The following PREX2 variants were observed in gnomAD, a reference collection of about 807,000 sequenced individuals.
PREX2 encodes phosphatidylinositol 3,4,5-trisphosphate-dependent Rac exchanger 2 protein.
PREX2 carries 107 observed loss-of-function variants against 203.2 expected under a neutral mutation model. That is an observed-to-expected ratio of 0.53 (90% CI 0.45 to 0.62). PREX2 has a LOEUF of 0.62. Ranked by LOEUF, PREX2 falls within the 20% of genes least tolerant of loss-of-function variation. The pLI is 0.00. For missense variants in PREX2, 1,777 were observed against 1,955.9 expected (o/e 0.91, Z 1.72); for synonymous variants, 672 against 663.6 (o/e 1.01, Z -0.19).
intron 1 of PREX2, among the ~76,000 whole-genome samples, chr8:68,015,003 T>C (rs187925537): frequency 7.2e-5 from 11 of 152,288 alleles, no homozygotes; most frequent in Admixed American, 6.5e-4. Context: ...ATTTCAAATA[T>C]ATGTGTGTCA....
chr8:68,214,909 T>C (rs936381064), intron 37 of PREX2, among the ~76,000 whole-genome samples: 1 of 152,192 alleles, frequency 6.6e-6, no homozygotes, highest in Admixed American at 6.5e-5. Context: ...AATTTCAAAT[T>C]AATTTTGATT....
At chr8:68,060,583 G>T (rs1032318066) in intron 10 of PREX2, 96 bp from the exon 11 acceptor site, 12 of 753,606 alleles carry the variant, frequency 1.6e-5, no homozygotes, top group African/African-American at 1.4e-4. Flanking sequence ...TATATTTTGA[G>T]ATTCCTTTCA....
intron 1 of PREX2, among the ~76,000 whole-genome samples, chr8:68,012,590 G>A (rs186954866): frequency 3.9e-5 from 6 of 152,282 alleles, no homozygotes; most frequent in African/African-American, 1.2e-4. Context: ...ATGATTTGTA[G>A]AGTGATCAAT....
chr8:68,127,284 A>G, intron 30 of PREX2, 94 bp from the exon 31 acceptor site: 2 of 988,288 alleles, frequency 2.0e-6, no homozygotes, highest in South Asian at 1.6e-5. Flanking sequence ...AACCTAGTCC[A>G]ATAAGATCAT....
At chr8:68,093,222 C>A (rs1266893592) in intron 20 of PREX2, among the ~76,000 whole-genome samples, 1 of 151,826 alleles carries the variant, frequency 6.6e-6, no homozygotes, top group Non-Finnish European at 1.5e-5. Flanking sequence ...GAAACCCTGT[C>A]TTTACTAAAA....
At chr8:68,165,251 T>C (rs1225711846) in intron 35 of PREX2, among the ~76,000 whole-genome samples, 1 of 152,112 alleles carries the variant, frequency 6.6e-6, no homozygotes, top group Non-Finnish European at 1.5e-5. Flanking sequence ...GATCTACATG[T>C]TTATAATCTC....
chr8:67,990,394 T>TA (rs111707841), intron 1 of PREX2, among the ~76,000 whole-genome samples: 38 of 145,210 alleles, frequency 2.6e-4, no homozygotes, highest in Admixed American at 1.1e-3. Flanking sequence ...CATGGGAGAT[T>TA]AAAAAAAAAA....
At chr8:68,175,703 A>G (rs934388486) in intron 35 of PREX2, among the ~76,000 whole-genome samples, 2 of 152,272 alleles carry the variant, frequency 1.3e-5, no homozygotes, top group East Asian at 3.9e-4. Context: ...GCAATATTTC[A>G]CATGGTCAGG....
chr8:68,131,975 A>G (rs1212419116), intron 31 of PREX2, among the ~76,000 whole-genome samples: 1 of 152,180 alleles, frequency 6.6e-6, no homozygotes, highest in East Asian at 1.9e-4. Context: ...TATGAAAAAC[A>G]AAGTAATAAT....
chr8:68,054,594 A>T (rs1030118199), intron 9 of PREX2, among the ~76,000 whole-genome samples: 1 of 152,330 alleles, frequency 6.6e-6, no homozygotes, highest in African/African-American at 2.4e-5. Context: ...ACAGTTCGTC[A>T]TCAGTCCTGA....
At chr8:68,080,721 A>G (rs748546325) in intron 16 of PREX2, 25 bp from the exon 17 acceptor site, 11 of 1,496,872 alleles carry the variant, frequency 7.3e-6, no homozygotes, top group Middle Eastern at 1.7e-4. Context: ...TGCTTTATCA[A>G]TAATGTTAAT....
At position 68,118,081 on chromosome 8, in the gene PREX2, C is replaced by T. The variant is rs533003720; in HGVS notation, c.3327-469C>T. On this transcript the variant is annotated intron_variant, in intron 26 of 39. Transcript: ENST00000288368. ...CAAAAATATGCCATCTTTGGCCGGG[C>T]GTGGTGGCTCACGCCTGTAATCCCA... is the stretch of plus-strand genomic sequence containing the variant. 8.2e-4 allele frequency among the ~76,000 whole-genome samples: 125 copies of T among 152,200 alleles called. 5 individuals are homozygous for T. In the South Asian group the frequency reaches 0.024, roughly 30 times the overall value.
intron 1 of PREX2, among the ~76,000 whole-genome samples, chr8:67,975,694 CTTTTTTTTTT>C (rs67614434): frequency 1.5e-4 from 11 of 75,016 alleles, no homozygotes; most frequent in South Asian, 5.2e-4. Context: ...ATTTCTCTTT[CTTTTTTTTTT>C]TTTTTTTTTT....
chr8:68,080,285 A>AG lies in PREX2; in HGVS notation c.1643-158_1643-157insG, dbSNP rs1809473692. ...TTGGCTCGAAATTATAGAAAGAGAA[A>AG]AAAAACAAAACCCGGGGCTACTTGT... is the stretch of plus-strand genomic sequence containing the variant. On this transcript the variant is annotated intron_variant, in intron 15 of 39. Transcript: ENST00000288368. 2.0e-5 allele frequency among the ~76,000 whole-genome samples: 3 copies of AG among 151,984 alleles called. No individual in the cohort carries two copies. The South Asian group carries it at 6.2e-4, about 32-fold the overall frequency.
chr8:68,121,125 G>A, intron 30 of PREX2, 76 bp downstream of exon 30: 1 of 1,435,204 alleles, frequency 7.0e-7, no homozygotes, highest in Non-Finnish European at 9.6e-7. Context: ...CAAAAGTTTG[G>A]TAATGCCTGA....
intron 26 of PREX2, among the ~76,000 whole-genome samples, chr8:68,116,391 G>C (rs796729315): frequency 3.9e-5 from 6 of 152,240 alleles, no homozygotes; most frequent in African/African-American, 1.4e-4. Flanking sequence ...CGGAGACAAG[G>C]CTTGTGGTTT....
intron 15 of PREX2, 113 bp from the exon 16 acceptor site, chr8:68,080,330 A>T (rs970744461): frequency 2.2e-5 from 19 of 871,562 alleles, no homozygotes; most frequent in African/African-American, 1.5e-4. Flanking sequence ...TAGTCCTAGG[A>T]GTATAAAGTT....
At chr8:68,062,306 C>T (rs1029989507) in intron 11 of PREX2, among the ~76,000 whole-genome samples, 2 of 152,160 alleles carry the variant, frequency 1.3e-5, no homozygotes, top group African/African-American at 2.4e-5. Flanking sequence ...CTAAAGAGAC[C>T]TTTTAAAACG....
intron 1 of PREX2, among the ~76,000 whole-genome samples, chr8:67,973,928 A>G (rs1190426237): frequency 6.6e-6 from 1 of 152,164 alleles, no homozygotes; most frequent in African/African-American, 2.4e-5. Flanking sequence ...TCTAACTTTC[A>G]AGGTCCTTTC....
Sources: gnomAD v4.1 joint callset for allele counts (sites outside exome capture counted in the v4.1 genomes callset) on GRCh38, gnomAD v4.1.1 for gene constraint, MANE v1.5 for transcripts, NCBI Gene and HGNC (gene_info 2026-07-23, HGNC 2026-07-21) for gene names.